CDK5RAP2: variants seen among roughly 807,000 people sequenced by gnomAD.
CDK5RAP2 encodes CDK5 regulatory subunit-associated protein 2.
Under a neutral mutation model 232.9 loss-of-function variants are expected in CDK5RAP2, and 147 were observed. The observed-to-expected ratio is 0.63, with a 90% confidence interval of 0.55 to 0.72. CDK5RAP2 has a LOEUF of 0.72. CDK5RAP2 is among the 30% of genes least tolerant of loss of function. The pLI, the probability that CDK5RAP2 is intolerant of heterozygous loss-of-function variation, is 0.00. For synonymous variants in CDK5RAP2, 833 were observed against 833.7 expected (o/e 1.00, Z 0.01); for missense variants, 2,195 against 2,231.5 (o/e 0.98, Z 0.33).
At chr9:120,399,250 CTATG>C (rs2032781773) in intron 35 of CDK5RAP2, among the ~76,000 whole-genome samples, 1 of 152,116 alleles carries the variant, frequency 6.6e-6, no homozygotes, top group Non-Finnish European at 1.5e-5. Flanking sequence ...GTATTTCTGT[CTATG>C]TAACAGTTAC....
chr9:120,413,429 G>A (rs547914104), intron 28 of CDK5RAP2, among the ~76,000 whole-genome samples: 4 of 152,222 alleles, frequency 2.6e-5, no homozygotes, highest in African/African-American at 4.8e-5. Flanking sequence ...CACAGCAGGG[G>A]GAGGCGGAGC....
At chr9:120,391,342 G>A (rs533057039) in intron 36 of CDK5RAP2, among the ~76,000 whole-genome samples, 6 of 152,160 alleles carry the variant, frequency 3.9e-5, no homozygotes, top group South Asian at 4.1e-4. Flanking sequence ...CCCACTGCAA[G>A]GAGAAGACCG....
At chr9:120,554,105 T>C (rs910328188) in intron 3 of CDK5RAP2, among the ~76,000 whole-genome samples, 8 of 152,220 alleles carry the variant, frequency 5.3e-5, no homozygotes, top group African/African-American at 1.9e-4. Flanking sequence ...AAGTCCAAGA[T>C]ACATTGTTAA....
intron 36 of CDK5RAP2, among the ~76,000 whole-genome samples, chr9:120,392,444 T>C (rs1355019641): frequency 1.3e-5 from 2 of 152,204 alleles, no homozygotes; most frequent in African/African-American, 4.8e-5. Context: ...TCTGTCCTTT[T>C]GACCGACCAC....
intron 17 of CDK5RAP2, 59 bp downstream of exon 17, chr9:120,470,052 A>G (rs748065802): frequency 1.1e-6 from 1 of 874,886 alleles, no homozygotes; most frequent in Admixed American, 2.0e-5. Context: ...GGAACCCAAG[A>G]TACAACAAAC....
intron 14 of CDK5RAP2, among the ~76,000 whole-genome samples, chr9:120,483,949 G>A (rs1165882943): frequency 2.0e-5 from 3 of 152,174 alleles, no homozygotes; most frequent in Non-Finnish European, 4.4e-5. Flanking sequence ...TCACAGCCCT[G>A]CAACAAAGAC....
intron 18 of CDK5RAP2, among the ~76,000 whole-genome samples, chr9:120,467,625 A>G (rs1373075970): frequency 6.6e-6 from 1 of 152,198 alleles, no homozygotes; most frequent in Non-Finnish European, 1.5e-5. Flanking sequence ...GTATACATAC[A>G]TACATATATA....
At chr9:120,533,755 G>C (rs559724003) in intron 7 of CDK5RAP2, among the ~76,000 whole-genome samples, 36 of 135,508 alleles carry the variant, frequency 2.7e-4, no homozygotes, top group Middle Eastern at 5.2e-3. Flanking sequence ...CCAAGATCAC[G>C]CCACTGCACT....
At chr9:120,555,164 G>C (rs1486667227) in intron 3 of CDK5RAP2, among the ~76,000 whole-genome samples, 1 of 151,806 alleles carries the variant, frequency 6.6e-6, no homozygotes, top group African/African-American at 2.4e-5. Flanking sequence ...GTGGGTAGAC[G>C]GAGTCTCGCT....
intron 12 of CDK5RAP2, among the ~76,000 whole-genome samples, chr9:120,500,813 TATC>T (rs1472029926): frequency 1.3e-5 from 2 of 152,198 alleles, no homozygotes; most frequent in African/African-American, 4.8e-5. Flanking sequence ...TTCAAATGGA[TATC>T]ATCATGTTTT....
chr9:120,499,782 C>T (rs2039489497), intron 12 of CDK5RAP2, among the ~76,000 whole-genome samples: 1 of 152,188 alleles, frequency 6.6e-6, no homozygotes, highest in Non-Finnish European at 1.5e-5. Flanking sequence ...AAAATACAGT[C>T]ATGGCAATAT....
rs761191015 is a variant in CDK5RAP2 at position 120,408,477 on chromosome 9, G to T, written c.4605-9C>A. 2.7e-5 allele frequency: 43 copies of T among 1,613,858 alleles called. No homozygotes were observed. Among genetic ancestry groups the T allele is most frequent in the Non-Finnish European group, 3.5e-5 (41 of 1,179,954 alleles). ...TCACCTCCTCCTGCACCCTGAGAAG[G>T]CCCCACAGGCATGAGAAGGACAGGT... On this transcript the variant is annotated splice_polypyrimidine_tract_variant and intron_variant, in intron 30 of 37. Coordinates refer to ENST00000349780, the MANE Select transcript of CDK5RAP2 (RefSeq NM_018249.6).
intron 21 of CDK5RAP2, among the ~76,000 whole-genome samples, chr9:120,449,099 A>G (rs961561571): frequency 1.3e-5 from 2 of 152,222 alleles, no homozygotes; most frequent in Admixed American, 6.5e-5. Flanking sequence ...CAGGACCTAC[A>G]GCCTGAGTTA....
At chr9:120,571,212 T>C (rs1189034002) in intron 2 of CDK5RAP2, among the ~76,000 whole-genome samples, 1 of 152,098 alleles carries the variant, frequency 6.6e-6, no homozygotes, top group Non-Finnish European at 1.5e-5. Flanking sequence ...CAGGAAAACA[T>C]GAAGGTGCCC....
chr9:120,483,748 T>A (rs1289907072), intron 14 of CDK5RAP2, among the ~76,000 whole-genome samples: 1 of 152,184 alleles, frequency 6.6e-6, no homozygotes, highest in East Asian at 1.9e-4. Flanking sequence ...GGACTGGCAT[T>A]CTGACACCAA....
At chr9:120,394,408 AT>A in intron 36 of CDK5RAP2, 103 bp downstream of exon 36, 1 of 1,577,708 alleles carries the variant, frequency 6.3e-7, no homozygotes, top group Non-Finnish European at 8.6e-7. Context: ...AGGAGGCATG[AT>A]TACAAACCAT....
Position 120,437,542 on chromosome 9 carries a change from G to A in CDK5RAP2, c.3723-15C>T, listed in dbSNP as rs530613491. The A allele has an allele frequency of 4.4e-6, 7 of 1,575,488 alleles. No individual in the cohort carries two copies. In the South Asian group the frequency reaches 6.6e-5, roughly 15 times the overall value. The stretch of plus-strand genomic sequence containing the variant: ...ATGAATCGTATCTGATAAAAGAGGG[G>A]AAAGAAAATACTTGGACCATTTTAG... On this transcript the variant is annotated splice_polypyrimidine_tract_variant and intron_variant, in intron 24 of 37. Transcript: ENST00000349780.
chr9:120,496,569 G>A (rs1302611499), intron 12 of CDK5RAP2, among the ~76,000 whole-genome samples: 1 of 148,904 alleles, frequency 6.7e-6, no homozygotes, highest in Non-Finnish European at 1.5e-5. Context: ...TGGGGGGGTC[G>A]GCCCCCCGTC....
At chr9:120,548,491 A>G (rs181587710) in intron 4 of CDK5RAP2, among the ~76,000 whole-genome samples, 2 of 152,358 alleles carry the variant, frequency 1.3e-5, no homozygotes, top group East Asian at 3.9e-4. Context: ...TTCAAAGAGT[A>G]AAATGGAATA....
Sources: gnomAD v4.1 joint callset for allele counts (sites outside exome capture counted in the v4.1 genomes callset) on GRCh38, gnomAD v4.1.1 for gene constraint, MANE v1.5 for transcripts, NCBI Gene and HGNC (gene_info 2026-07-23, HGNC 2026-07-21) for gene names.